Variants in NPC1 observed in about 807,000 individuals in gnomAD.
NPC1 encodes Niemann-Pick C1 protein.
Under a neutral mutation model 140.4 loss-of-function variants are expected in NPC1, and 85 were observed. That is an observed-to-expected ratio of 0.61 (90% CI 0.51 to 0.72). The LOEUF is 0.72. NPC1 is among the 30% of genes least tolerant of loss of function. The pLI is 0.00. For missense variants in NPC1, 1,504 were observed against 1,623.8 expected, an observed-to-expected ratio of 0.93 and a Z score of 1.27; for synonymous variants, 656 against 624.8, an observed-to-expected ratio of 1.05 and a Z score of -0.74.
At position 23,533,353 on chromosome 18, in the gene NPC1, AC is replaced by A. The variant is rs1835896772; in HGVS notation, c.3754+1del. The A allele has an allele frequency of 6.2e-7, 1 of 1,613,632 alleles. No individual in the cohort carries two copies. Among genetic ancestry groups the A allele is most frequent in the African/African-American group, 1.3e-5 (1 of 74,928 alleles). The stretch of plus-strand genomic sequence containing the variant: ...CCACCCTTTTAAGATGAGAACTCTT[AC>A]CTATGTAACTGAGTAAGACAGGGAG... On this transcript the variant is annotated splice_donor_variant, in intron 24 of 24. Coordinates refer to ENST00000269228, the MANE Select transcript of NPC1 (RefSeq NM_000271.5). LOFTEE classifies it high-confidence loss of function.
chr18:23,557,335 C>T (rs2145463073), intron 6 of NPC1, 145 bp from the exon 7 acceptor site: 1 of 704,430 alleles, frequency 1.4e-6, no homozygotes, highest in East Asian at 2.7e-5. Context: ...CCCTAAGTCC[C>T]CTTGCTCTGG....
downstream of NPC1, chr18:23,529,246 T>C (rs1033185267): frequency 2.0e-5 from 32 of 1,613,990 alleles, no homozygotes; most frequent in Non-Finnish European, 2.6e-5. Flanking sequence ...CAGGCGGTGC[T>C]GGACCAGTCA....
chr18:23,529,446 T>TG (rs1197101029), downstream of NPC1: 1 of 1,346,504 alleles, frequency 7.4e-7, no homozygotes, highest in East Asian at 2.5e-5. Context: ...GCTGGTAGTT[T>TG]GGCTTCTAAT....
downstream of NPC1, chr18:23,519,073 G>A (rs1450908245): frequency 1.2e-6 from 2 of 1,613,986 alleles, no homozygotes; most frequent in Admixed American, 3.3e-5. Flanking sequence ...CTACAGAGAA[G>A]GTGCCTGTAA....
chr18:23,529,657 T>C (rs974010916), downstream of NPC1: 1 of 1,614,172 alleles, frequency 6.2e-7, no homozygotes, highest in Admixed American at 1.7e-5. Flanking sequence ...AAATTTGTGA[T>C]AGCCGTGCTG....
At chr18:23,564,489 G>A (rs1042299746) in intron 4 of NPC1, among the ~76,000 whole-genome samples, 4 of 151,340 alleles carry the variant, frequency 2.6e-5, no homozygotes. Flanking sequence ...CACCATGCCT[G>A]GCTAATTATT....
intron 5 of NPC1, 35 bp from the exon 6 acceptor site, chr18:23,560,515 A>G (rs984570163): frequency 5.6e-6 from 9 of 1,611,516 alleles, no homozygotes; most frequent in African/African-American, 2.7e-5. Flanking sequence ...ACAAATCTCA[A>G]TTAAAAACAT....
Position 23,541,110 on chromosome 18 carries a change from G to C in NPC1, c.2472C>G (p.Ser824=), listed in dbSNP as rs1567951608. The C allele has an allele frequency of 6.2e-6, 10 of 1,614,082 alleles. No homozygotes were observed. The highest frequency in any genetic ancestry group is 8.5e-6 in the Non-Finnish European group (10 of 1,180,042). ...AGTCCTTTAGCAGAAGTGGAGAATAGGAGTTTTTGAAGAAGCGAAACAAAC... is the reference window on the plus strand; with the variant it reads ...AGTCCTTTAGCAGAAGTGGAGAATACGAGTTTTTGAAGAAGCGAAACAAAC... The part of the protein sequence containing the change: ...ESCLFRFFKN[S]YSPLLLKDWM... Residue 824 remains serine, a synonymous_variant, in exon 16 of 25, where the codon TCC becomes TCG. Transcript: ENST00000269228.
downstream of NPC1, among the ~76,000 whole-genome samples, chr18:23,525,975 G>A (rs2058288136): frequency 6.6e-6 from 1 of 152,200 alleles, no homozygotes; most frequent in Admixed American, 6.5e-5. Context: ...CTGTATGTAT[G>A]TAATGAAGTC....
At chr18:23,580,787 A>C (rs2059347345) in intron 1 of NPC1, among the ~76,000 whole-genome samples, 1 of 152,192 alleles carries the variant, frequency 6.6e-6, no homozygotes, top group African/African-American at 2.4e-5. Context: ...GGCATGAAGA[A>C]TCCTGTCCAG....
Position 23,531,895 on chromosome 18 carries a change from A to AG in NPC1, c.*306dup. ...ACAGTGCATTGATTGGCCTTTACAG[A>AG]GTGTCAGTGAGCGGATCACATTCAC... On this transcript the variant is annotated 3_prime_UTR_variant, in exon 25 of 25. Transcript: ENST00000269228. The AG allele has an allele frequency of 1.4e-6, 2 of 1,441,802 alleles. No individual in the cohort carries two copies. Among genetic ancestry groups the AG allele is most frequent in the South Asian group, 3.0e-5 (2 of 67,006 alleles). 89.3% of individuals were successfully genotyped at this position (1,441,802 alleles called of 1,614,324 possible).
chr18:23,536,649 C>T, intron 21 of NPC1, 24 bp downstream of exon 21: 1 of 1,603,786 alleles, frequency 6.2e-7, no homozygotes. Flanking sequence ...TGGGTAAACC[C>T]CATTGAAAAA....
chr18:23,508,188 G>T, intron 3 of NPC1: 1 of 660,646 alleles, frequency 1.5e-6, no homozygotes, highest in African/African-American at 1.9e-5. Context: ...AGTCAGGCGG[G>T]GTGTTTGCTT....
chr18:23,513,293 T>C (rs2057912612), intron 3 of NPC1, among the ~76,000 whole-genome samples: 1 of 152,254 alleles, frequency 6.6e-6, no homozygotes, highest in Non-Finnish European at 1.5e-5. Context: ...AGTGAAATTA[T>C]ACAGTATTTG....
At chr18:23,513,434 C>G (rs1955558607) in intron 3 of NPC1, among the ~76,000 whole-genome samples, 2 of 152,170 alleles carry the variant, frequency 1.3e-5, no homozygotes, top group Admixed American at 1.3e-4. Context: ...TTTGCTTATC[C>G]ATTCATCTGT....
rs1176530917 is a variant in NPC1 at position 23,557,337 on chromosome 18, T to C, written c.882-147A>G. The C allele has an allele frequency of 1.0e-5, 7 of 699,190 alleles. No individual in the cohort carries two copies. In the African/African-American group the frequency reaches 1.1e-4, roughly 11 times the overall value. 43.3% of individuals were successfully genotyped at this position (699,190 alleles called of 1,614,324 possible). A position where few individuals can be genotyped will look rare whatever the true frequency, so the allele number is the denominator to read the frequency against. ...ACTGCCTTCTTTCCCCTAAGTCCCC[T>C]TGCTCTGGGTCCCTCTGCTCACCAG... On this transcript the variant is annotated intron_variant, in intron 6 of 24. Transcript: ENST00000269228.
chr18:23,516,099 G>C, intron 3 of NPC1: 1 of 1,534,202 alleles, frequency 6.5e-7, no homozygotes, highest in East Asian at 2.3e-5. Context: ...TCCTCTAGCC[G>C]TAACGTCACC....
At chr18:23,521,518 A>G (rs1489813114), downstream of NPC1, among the ~76,000 whole-genome samples, 2 of 152,142 alleles carry the variant, frequency 1.3e-5, no homozygotes, top group Non-Finnish European at 2.9e-5. Flanking sequence ...TGTGGCTCTT[A>G]GGCTTACCCA....
At chr18:23,570,370 G>A (rs902185363) in intron 3 of NPC1, among the ~76,000 whole-genome samples, 6 of 152,138 alleles carry the variant, frequency 3.9e-5, no homozygotes, top group Admixed American at 6.5e-5. Context: ...ACCTACGGTG[G>A]ATCCTAAATA....
Sources: gnomAD v4.1 joint callset for allele counts (sites outside exome capture counted in the v4.1 genomes callset) on GRCh38, gnomAD v4.1.1 for gene constraint, MANE v1.5 for transcripts, NCBI Gene and HGNC (gene_info 2026-07-23, HGNC 2026-07-21) for gene names.